Variants in PARP16 observed in about 807,000 individuals in gnomAD.
PARP16 encodes protein mono-ADP-ribosyltransferase PARP16.
In PARP16, 31 loss-of-function variants were observed where a neutral mutation model predicts 35.0. That is an observed-to-expected ratio of 0.88 (90% confidence interval 0.66 to 1.19). PARP16 has a LOEUF of 1.19. Among genes scored for constraint, PARP16 ranks in the 50% most tolerant of loss-of-function variants. The pLI, the probability that PARP16 is intolerant of heterozygous loss-of-function variation, is 0.00. For synonymous variants in PARP16, 162 were observed against 169.5 expected (o/e 0.96, Z 0.34); for missense variants, 424 against 411.2 (o/e 1.03, Z -0.27).
chr15:65,237,958 C>T (rs2088933014), intron 3 of PARP16, among the ~76,000 whole-genome samples: 1 of 152,238 alleles, frequency 6.6e-6, no homozygotes, highest in Non-Finnish European at 1.5e-5. Flanking sequence ...TCTGTCCCTA[C>T]ATGATCTCAT....
chr15:65,262,011 G>A (rs529377780), intron 4 of PARP16, among the ~76,000 whole-genome samples: 8 of 152,252 alleles, frequency 5.3e-5, no homozygotes, highest in East Asian at 1.9e-4. Context: ...CATGCTGTCC[G>A]GTTTGGGAGG....
intron 3 of PARP16, among the ~76,000 whole-genome samples, chr15:65,243,567 G>A (rs1305898685): frequency 6.6e-6 from 1 of 152,118 alleles, no homozygotes; most frequent in Admixed American, 6.5e-5. Context: ...TCTCTGTCTG[G>A]TTTTGGTATC....
chr15:65,277,991 G>T (rs1397736282), intron 1 of PARP16, among the ~76,000 whole-genome samples: 1 of 152,222 alleles, frequency 6.6e-6, no homozygotes, highest in Non-Finnish European at 1.5e-5. Context: ...CTGGATCCAG[G>T]AGAATAATTA....
intron 2 of PARP16, among the ~76,000 whole-genome samples, chr15:65,251,031 G>A (rs2140778375): frequency 6.6e-6 from 1 of 152,150 alleles, no homozygotes; most frequent in South Asian, 2.1e-4. Context: ...TTACAGGCGT[G>A]CACCACCATG....
downstream of PARP16, among the ~76,000 whole-genome samples, chr15:65,253,281 C>G (rs2089409186): frequency 6.6e-6 from 1 of 152,200 alleles, no homozygotes; most frequent in South Asian, 2.1e-4. Context: ...TTTGAAACCC[C>G]CACTCATCCA....
At chr15:65,245,649 T>C (rs894356998) in intron 3 of PARP16, among the ~76,000 whole-genome samples, 3 of 152,080 alleles carry the variant, frequency 2.0e-5, no homozygotes, top group Non-Finnish European at 4.4e-5. Flanking sequence ...CGAGCTTCCA[T>C]CCTGCTCACT....
chr15:65,251,769 T>C (rs1450354456), intron 2 of PARP16, among the ~76,000 whole-genome samples: 1 of 151,482 alleles, frequency 6.6e-6, no homozygotes, highest in Non-Finnish European at 1.5e-5. Context: ...TTTTGTTCGT[T>C]TGTTTGCTTT....
At chr15:65,245,552 G>A (rs951599947) in intron 3 of PARP16, among the ~76,000 whole-genome samples, 3 of 152,160 alleles carry the variant, frequency 2.0e-5, no homozygotes, top group African/African-American at 7.2e-5. Flanking sequence ...GTCCCATGGA[G>A]TATGTGTAGG....
intron 3 of PARP16, among the ~76,000 whole-genome samples, chr15:65,235,630 C>A (rs1391611344): frequency 8.1e-6 from 1 of 123,524 alleles, no homozygotes; most frequent in Non-Finnish European, 1.7e-5. Context: ...TGGTAAAACC[C>A]TATCTCTACA....
chr15:65,282,818 G>A (rs1393972707), intron 1 of PARP16, among the ~76,000 whole-genome samples: 1 of 152,146 alleles, frequency 6.6e-6, no homozygotes, highest in African/African-American at 2.4e-5. Context: ...GATTACAAGT[G>A]GGGCAAGGGA....
chr15:65,283,485 C>T (rs1293034231), intron 1 of PARP16, among the ~76,000 whole-genome samples: 1 of 152,130 alleles, frequency 6.6e-6, no homozygotes, highest in African/African-American at 2.4e-5. Context: ...CTTCCTGTTC[C>T]CCACAACAGT....
intron 2 of PARP16, among the ~76,000 whole-genome samples, chr15:65,250,040 C>T (rs1237656765): frequency 6.6e-6 from 1 of 150,882 alleles, no homozygotes; most frequent in Non-Finnish European, 1.5e-5. Context: ...TCTTGTCTTC[C>T]TATGCCACCA....
intron 1 of PARP16, among the ~76,000 whole-genome samples, chr15:65,284,142 C>T (rs551048584): frequency 6.6e-6 from 1 of 152,250 alleles, no homozygotes; most frequent in East Asian, 1.9e-4. Context: ...TTCTAAATAC[C>T]TCCTTTAATC....
At chr15:65,255,051 C>T (rs142924013), downstream of PARP16, among the ~76,000 whole-genome samples, 318 of 152,330 alleles carry the variant, frequency 2.1e-3, 3 homozygotes, top group African/African-American at 7.3e-3. Context: ...TTGCTTTTCA[C>T]AAGACCTTAG....
intron 1 of PARP16, among the ~76,000 whole-genome samples, chr15:65,278,636 G>T (rs1328731622): frequency 6.6e-6 from 1 of 152,160 alleles, no homozygotes; most frequent in Non-Finnish European, 1.5e-5. Context: ...CAAGCTCCTG[G>T]GGAGGAGGTG....
Position 65,259,201 on chromosome 15 carries a change from G to C in PARP16, c.*206C>G. 1 of 612,370 alleles carries C rather than the reference G, an allele frequency of 1.6e-6. No individual in the cohort carries two copies. Among genetic ancestry groups the C allele is most frequent in the Non-Finnish European group, 2.9e-6 (1 of 339,768 alleles). 37.9% of individuals were successfully genotyped at this position (612,370 alleles called of 1,614,324 possible). ...GGAAGGACTCCCCTAAAACCTAAGA[G>C]TGAGGGACTAGTAGTCCCCGTTGAC... On this transcript the variant is annotated 3_prime_UTR_variant, in exon 6 of 6. Coordinates refer to ENST00000649807, the MANE Select transcript of PARP16 (RefSeq NM_001316943.2).
chr15:65,265,627 T>C (rs1403259946), intron 3 of PARP16, among the ~76,000 whole-genome samples: 1 of 152,198 alleles, frequency 6.6e-6, no homozygotes, highest in Non-Finnish European at 1.5e-5. Context: ...GCTGATTTCC[T>C]GGAGTGTGGT....
chr15:65,240,841 T>G (rs911668515), intron 3 of PARP16, among the ~76,000 whole-genome samples: 1 of 152,138 alleles, frequency 6.6e-6, no homozygotes, highest in Non-Finnish European at 1.5e-5. Context: ...GTTTCTATTT[T>G]TATTGTTTTG....
chr15:65,283,222 C>T lies in PARP16; in HGVS notation c.174+3031G>A, dbSNP rs147399926. Among the ~76,000 whole-genome samples the T allele has an allele frequency of 6.2e-3, 944 of 152,114 alleles. 7 individuals carry two copies. The highest frequency in any genetic ancestry group is 9.6e-3 in the Non-Finnish European group (654 of 67,990). On this transcript the variant is annotated intron_variant, in intron 1 of 5. Coordinates refer to ENST00000649807, the MANE Select transcript of PARP16 (RefSeq NM_001316943.2). ...AAGGCTGAGGTGGGAGAATTGCTTG[C>T]GCCCAGGAGTTCAAGACCAGTCTGG...
Sources: allele counts gnomAD v4.1 joint callset (sites outside exome capture counted in the v4.1 genomes callset), GRCh38; gene constraint gnomAD v4.1.1; transcripts MANE v1.5; gene names NCBI Gene and HGNC (gene_info 2026-07-23, HGNC 2026-07-21).